The following ECT2 variants were observed in gnomAD, a reference collection of about 807,000 sequenced individuals.
ECT2 encodes epithelial cell transforming 2, also known as protein ECT2.
ECT2 carries 61 observed loss-of-function variants against 116.9 expected under a neutral mutation model. That is an observed-to-expected ratio of 0.52 (90% confidence interval 0.42 to 0.65). ECT2 has a LOEUF of 0.65. Among genes scored for constraint, ECT2 ranks in the 30% least tolerant of loss-of-function variants. ECT2 has a pLI of 0.00. For missense variants in ECT2, 937 were observed against 1,078.7 expected (o/e 0.87, Z 1.84); for synonymous variants, 358 against 346.4 (o/e 1.03, Z -0.37).
intron 22 of ECT2, among the ~76,000 whole-genome samples, chr3:172,812,335 A>G (rs1249832421): frequency 1.3e-5 from 2 of 152,198 alleles, no homozygotes; most frequent in Middle Eastern, 3.2e-3. Flanking sequence ...TTCTCTTTAG[A>G]ATGCAGTCAT....
chr3:172,782,302 A>C, intron 15 of ECT2, 71 bp downstream of exon 15: 1 of 827,964 alleles, frequency 1.2e-6, no homozygotes. Flanking sequence ...CAAGGAGTGT[A>C]ATTTGCCTAT....
intron 22 of ECT2, among the ~76,000 whole-genome samples, chr3:172,810,139 T>G (rs1728500676): frequency 6.6e-6 from 1 of 152,214 alleles, no homozygotes; most frequent in Non-Finnish European, 1.5e-5. Context: ...TTCTGACCTC[T>G]AATGTCAGAA....
intron 14 of ECT2, among the ~76,000 whole-genome samples, chr3:172,777,793 G>T (rs1273207314): frequency 6.6e-6 from 1 of 152,168 alleles, no homozygotes; most frequent in African/African-American, 2.4e-5. Flanking sequence ...CAACTCTTCG[G>T]GAGGCTGAGG....
At chr3:172,823,527 A>G (rs577936331), downstream of ECT2, among the ~76,000 whole-genome samples, 7 of 152,194 alleles carry the variant, frequency 4.6e-5, no homozygotes, top group Admixed American at 3.3e-4. Context: ...AATGACTGCA[A>G]CCTCCATGGA....
chr3:172,813,743 C>G (rs555829708), intron 22 of ECT2, among the ~76,000 whole-genome samples: 1 of 152,098 alleles, frequency 6.6e-6, no homozygotes, highest in Non-Finnish European at 1.5e-5. Context: ...TTCCCCATTA[C>G]TGCACTCTAA....
At chr3:172,770,325 A>G (rs1319660560) in intron 13 of ECT2, among the ~76,000 whole-genome samples, 1 of 152,182 alleles carries the variant, frequency 6.6e-6, no homozygotes, top group East Asian at 1.9e-4. Context: ...AGCCATGGTA[A>G]AATGCATTGA....
At chr3:172,764,643 A>C (rs1718980991) in intron 12 of ECT2, 143 bp downstream of exon 12, 2 of 731,778 alleles carry the variant, frequency 2.7e-6, no homozygotes, top group East Asian at 5.4e-5. Flanking sequence ...AAGACACATG[A>C]ATAGTTAAGC....
At chr3:172,826,190 C>T (rs560261121), downstream of ECT2, among the ~76,000 whole-genome samples, 20 of 152,304 alleles carry the variant, frequency 1.3e-4, no homozygotes, top group South Asian at 6.2e-4. Context: ...CCACCTCGCC[C>T]GGTCAATCTA....
intron 1 of ECT2, among the ~76,000 whole-genome samples, chr3:172,753,158 G>T (rs191107893): frequency 1.5e-3 from 228 of 152,154 alleles, no homozygotes; most frequent in Non-Finnish European, 2.8e-3. Context: ...GGAGTGCAGT[G>T]GTGGGATCAC....
In ECT2 at chr3:172,761,637, A is replaced by G. The variant is rs1003749282; in HGVS notation, c.712A>G (p.Met238Val). Residue 238 changes from methionine (M) to valine (V), a missense_variant, in exon 8 of 25, where the codon ATG (methionine) becomes GTG (valine). Met to Val is a conservative substitution (Grantham distance 21). Transcript: ENST00000392692. The part of the protein sequence containing the change: ...RVAVSLGTPI[M>V]KPEWIYKAWE... ...TGCTGTGAGTCTAGGTACTCCAATT[A>G]TGAAGCCAGAATGGATTTATAAAGC... The G allele has an allele frequency of 1.2e-6, 2 of 1,611,494 alleles. No homozygotes were observed. Among genetic ancestry groups the G allele is most frequent in the African/African-American group, 1.3e-5 (1 of 74,862 alleles).
At chr3:172,806,678 CG>C (rs1727812549) in intron 21 of ECT2, among the ~76,000 whole-genome samples, 1 of 90,654 alleles carries the variant, frequency 1.1e-5, no homozygotes, top group Non-Finnish European at 2.0e-5. Context: ...TTTGAGATGA[CG>C]TCTTAGTCTG....
rs1230083660 is a variant in ECT2 at position 172,802,659 on chromosome 3, AT to A, written c.1956del (p.Phe652LeufsTer7). ...GAGAAAAACAGAAGCTCAAAAGCAA[AT>A]TTTTGATGTTGTTTATGAAGTAGAT... ...DKRKTEAQKQ[I>X]FDVVYEVDGC... On this transcript the variant is annotated frameshift_variant, in exon 19 of 25. Transcript: ENST00000392692. LOFTEE classifies it high-confidence loss of function. 1 of 1,603,582 alleles carries A rather than the reference AT, an allele frequency of 6.2e-7. No homozygotes were observed. Among genetic ancestry groups the A allele is most frequent in the African/African-American group, 1.3e-5 (1 of 74,478 alleles).
intron 18 of ECT2, among the ~76,000 whole-genome samples, chr3:172,789,709 A>G (rs1372231089): frequency 2.6e-5 from 4 of 152,290 alleles, no homozygotes; most frequent in Admixed American, 6.5e-5. Context: ...TGTCATTTCA[A>G]CAGTGTTCAC....
At chr3:172,791,036 TC>T (rs1204062399) in intron 18 of ECT2, among the ~76,000 whole-genome samples, 2 of 152,198 alleles carry the variant, frequency 1.3e-5, no homozygotes, top group Non-Finnish European at 2.9e-5. Context: ...ACACCTGTAA[TC>T]CCAGCTACTT....
At chr3:172,762,305 A>C (rs1718457858) in intron 8 of ECT2, 111 bp from the exon 9 acceptor site, 8 of 1,147,166 alleles carry the variant, frequency 7.0e-6, no homozygotes, top group Admixed American at 2.8e-5. Flanking sequence ...AAATAGTTTC[A>C]ATAGATAGAT....
chr3:172,807,699 A>G (rs1728030632), intron 21 of ECT2, 71 bp from the exon 22 acceptor site: 2 of 1,509,156 alleles, frequency 1.3e-6, no homozygotes, highest in South Asian at 1.3e-5. Context: ...CTCTGAGGGA[A>G]CTAAACTTGC....
Position 172,761,676 on chromosome 3 carries a change from A to C in ECT2, c.751A>C (p.Asn251His). 2 of 1,606,822 alleles carry C rather than the reference A, an allele frequency of 1.2e-6. No individual in the cohort carries two copies. The highest frequency in any genetic ancestry group is 1.7e-6 in the Non-Finnish European group (2 of 1,174,206). The change falls in exon 8 of 25, where the codon AAT becomes CAT. Residue 251 changes from asparagine (N) to histidine (H), a missense_variant. Transcript: ENST00000392692. ...EWIYKAWERR[N>H]EQDFYAAVDD... ...GATTTATAAAGCTTGGGAAAGGCGG[A>C]ATGAACAGTAAGTGTTTAGAAACTC... is the stretch of plus-strand genomic sequence containing the variant.
chr3:172,769,356 ATTACT>A (rs372740416), intron 13 of ECT2, among the ~76,000 whole-genome samples: 73 of 152,308 alleles, frequency 4.8e-4, no homozygotes, highest in East Asian at 3.5e-3. Context: ...ATTTTTAATA[ATTACT>A]TTAAAGAGAA....
chr3:172,784,393 A>G (rs1422653589), intron 16 of ECT2, among the ~76,000 whole-genome samples: 1 of 152,020 alleles, frequency 6.6e-6, no homozygotes, highest in Non-Finnish European at 1.5e-5. Context: ...GTTCCTTATT[A>G]TGGTATTAGC....
Sources: gnomAD v4.1 joint callset for allele counts (sites outside exome capture counted in the v4.1 genomes callset) on GRCh38, gnomAD v4.1.1 for gene constraint, MANE v1.5 for transcripts, NCBI Gene and HGNC (gene_info 2026-07-23, HGNC 2026-07-21) for gene names.